TPD52: variants seen among roughly 807,000 people sequenced by gnomAD.
TPD52 encodes prostate and colon associated protein.
In TPD52, 17 loss-of-function variants were observed where a neutral mutation model predicts 31.3. The observed-to-expected ratio is 0.54, with a 90% CI of 0.37 to 0.82. TPD52 has a LOEUF of 0.82. Ranked by LOEUF, TPD52 falls within the 40% of genes least tolerant of loss-of-function variation. The pLI, the probability that TPD52 is intolerant of heterozygous loss-of-function variation, is 0.00. For synonymous variants in TPD52, 83 were observed against 89.6 expected (o/e 0.93, Z 0.42); for missense variants, 212 against 240.1 (o/e 0.88, Z 0.77).
intron 1 of TPD52, among the ~76,000 whole-genome samples, chr8:80,129,213 ACT>A (rs763059960): frequency 2.6e-5 from 4 of 152,074 alleles, no homozygotes; most frequent in African/African-American, 4.8e-5. Context: ...CAGAACATAA[ACT>A]CTTTTTAAAA....
chr8:80,138,374 T>C (rs1056215021), intron 1 of TPD52, among the ~76,000 whole-genome samples: 4 of 152,142 alleles, frequency 2.6e-5, no homozygotes, highest in African/African-American at 9.7e-5. Flanking sequence ...GGAAGAGAAT[T>C]TGAATGCCCT....
intron 1 of TPD52, among the ~76,000 whole-genome samples, chr8:80,088,117 G>A (rs960814925): frequency 1.3e-5 from 2 of 152,152 alleles, no homozygotes; most frequent in South Asian, 2.1e-4. Flanking sequence ...AGCCTGGTAC[G>A]TGCCTCCAAG....
intron 2 of TPD52, among the ~76,000 whole-genome samples, chr8:80,062,963 C>A (rs2130668903): frequency 6.6e-6 from 1 of 151,824 alleles, no homozygotes; most frequent in South Asian, 2.1e-4. Context: ...TAGAGCAAGA[C>A]CTTGTATCTT....
At chr8:80,164,973 CA>C (rs1229077491) in intron 1 of TPD52, among the ~76,000 whole-genome samples, 3 of 116,224 alleles carry the variant, frequency 2.6e-5, no homozygotes, top group Non-Finnish European at 5.6e-5. Flanking sequence ...ACTATAAAGT[CA>C]AAAAAGGTAT....
chr8:80,128,062 G>C lies in TPD52; in HGVS notation c.19+43363C>G, dbSNP rs76377790. ...TAGATAGCTGCTGAAAATGTCAAAG[G>C]CTATCTTAAATTGCCAGCTGTCCGC... On this transcript the variant is annotated intron_variant, in intron 1 of 7. Coordinates refer to ENST00000518937, the MANE Select transcript of TPD52 (RefSeq NM_001025253.3). Among the ~76,000 whole-genome samples, 1,198 of 151,924 alleles carry C rather than the reference G, an allele frequency of 7.9e-3. 15 individuals are homozygous for C. The highest frequency in any genetic ancestry group is 0.026 in the African/African-American group (1,069 of 41,490).
At chr8:80,135,533 C>A (rs1481718265) in intron 1 of TPD52, among the ~76,000 whole-genome samples, 1 of 152,128 alleles carries the variant, frequency 6.6e-6, no homozygotes, top group East Asian at 1.9e-4. Flanking sequence ...ACTTAACAAG[C>A]ACACTGTAAA....
intron 1 of TPD52, among the ~76,000 whole-genome samples, chr8:80,156,431 T>C (rs1408312645): frequency 6.6e-6 from 1 of 152,202 alleles, no homozygotes; most frequent in African/African-American, 2.4e-5. Flanking sequence ...CCAGCCCATA[T>C]TCAAGGAGAG....
intron 1 of TPD52, among the ~76,000 whole-genome samples, chr8:80,100,627 G>C (rs1224995450): frequency 6.6e-6 from 1 of 152,202 alleles, no homozygotes; most frequent in East Asian, 1.9e-4. Context: ...TGTACAGTCA[G>C]GGTTCTCATA....
chr8:80,060,919 C>T (rs974315627), intron 2 of TPD52, among the ~76,000 whole-genome samples: 1 of 152,106 alleles, frequency 6.6e-6, no homozygotes, highest in Non-Finnish European at 1.5e-5. Flanking sequence ...CAGGGATACC[C>T]ATTTTTACCA....
At chr8:80,119,523 C>T (rs940789960) in intron 1 of TPD52, among the ~76,000 whole-genome samples, 1 of 152,040 alleles carries the variant, frequency 6.6e-6, no homozygotes, top group Non-Finnish European at 1.5e-5. Flanking sequence ...AGTACATGGA[C>T]AGTTTTCTGG....
intron 1 of TPD52, among the ~76,000 whole-genome samples, chr8:80,162,960 A>AC (rs888921227): frequency 1.4e-4 from 21 of 151,858 alleles, no homozygotes; most frequent in Non-Finnish European, 2.5e-4. Flanking sequence ...AAACAAACAA[A>AC]AAAAACGGGA....
At chr8:80,137,413 T>C (rs918298518) in intron 1 of TPD52, among the ~76,000 whole-genome samples, 1 of 120,446 alleles carries the variant, frequency 8.3e-6, no homozygotes, top group African/African-American at 3.0e-5. Flanking sequence ...GGAAACTATA[T>C]GTTAGATTTT....
chr8:80,104,786 G>A (rs1039151493), intron 1 of TPD52, among the ~76,000 whole-genome samples: 9 of 151,792 alleles, frequency 5.9e-5, no homozygotes, highest in Admixed American at 1.3e-4. Context: ...TAGGCTGGGC[G>A]TGCTGACTCA....
At chr8:80,166,456 T>TC (rs1173964446) in intron 1 of TPD52, among the ~76,000 whole-genome samples, 1 of 151,312 alleles carries the variant, frequency 6.6e-6, no homozygotes, top group Admixed American at 6.6e-5. Context: ...GGTCTCCAAC[T>TC]CCCGACCTCA....
intron 1 of TPD52, among the ~76,000 whole-genome samples, chr8:80,086,799 G>A (rs34706445): frequency 0.45 from 66,727 of 146,972 alleles, 15,117 homozygotes; most frequent in East Asian, 0.71. Flanking sequence ...GCTTGAACCC[G>A]GGAAGCGGAG....
intron 2 of TPD52, among the ~76,000 whole-genome samples, chr8:80,063,220 A>T (rs1812734537): frequency 6.6e-6 from 1 of 152,246 alleles, no homozygotes; most frequent in Non-Finnish European, 1.5e-5. Flanking sequence ...TTCAGTCATT[A>T]AACATAATGA....
At chr8:80,086,117 G>A (rs201030930) in intron 1 of TPD52, among the ~76,000 whole-genome samples, 1 of 88,870 alleles carries the variant, frequency 1.1e-5, no homozygotes, top group Admixed American at 1.2e-4. Context: ...TTTTTTTTTA[G>A]TTTTTTTTTT....
chr8:80,083,607 T>A (rs1815500606), intron 1 of TPD52, among the ~76,000 whole-genome samples: 1 of 152,156 alleles, frequency 6.6e-6, no homozygotes, highest in African/African-American at 2.4e-5. Flanking sequence ...TGTGAAGTGG[T>A]GCCTTCTGCC....
intron 2 of TPD52, among the ~76,000 whole-genome samples, chr8:80,058,571 G>A (rs1450521240): frequency 2.6e-5 from 4 of 152,214 alleles, no homozygotes; most frequent in Non-Finnish European, 2.9e-5. Context: ...GCCAAGGCAG[G>A]TGGATCACCT....
Sources: gnomAD v4.1 joint callset for allele counts (sites outside exome capture counted in the v4.1 genomes callset) on GRCh38, gnomAD v4.1.1 for gene constraint, MANE v1.5 for transcripts, NCBI Gene and HGNC (gene_info 2026-07-23, HGNC 2026-07-21) for gene names.